KCND2: variants seen among roughly 807,000 people sequenced by gnomAD.
KCND2 encodes the protein potassium voltage-gated channel subfamily D member 2.
KCND2 carries 16 observed loss-of-function variants against 54.4 expected under a neutral mutation model. The ratio of observed to expected loss-of-function variants is 0.29; its 90% CI spans 0.20 to 0.45. The LOEUF (loss-of-function observed/expected upper bound fraction) is 0.45. KCND2 is among the 20% of genes least tolerant of loss of function. The probability of loss-of-function intolerance (pLI) is 1.00; values close to 1 mark genes in which losing one functional copy is unlikely to be tolerated. For synonymous variants in KCND2, 317 were observed against 310.7 expected (o/e 1.02, Z -0.21); for missense variants, 486 against 824.2 (o/e 0.59, Z 5.02).
chr7:120,321,554 AT>A (rs538683549), intron 1 of KCND2, among the ~76,000 whole-genome samples: 377 of 151,936 alleles, frequency 2.5e-3, no homozygotes, highest in Non-Finnish European at 3.9e-3. Context: ...TTTGAATATT[AT>A]TTTTTTTCTT....
At chr7:120,417,543 A>G (rs920788423) in intron 1 of KCND2, among the ~76,000 whole-genome samples, 1 of 152,208 alleles carries the variant, frequency 6.6e-6, no homozygotes, top group African/African-American at 2.4e-5. Flanking sequence ...AACAGCCTCC[A>G]GTATTGTGGC....
chr7:120,336,627 C>G (rs1261956963), intron 1 of KCND2, among the ~76,000 whole-genome samples: 5 of 152,080 alleles, frequency 3.3e-5, no homozygotes, highest in Non-Finnish European at 7.4e-5. Flanking sequence ...AAGTCCTTCT[C>G]CATGTAGAGA....
chr7:120,605,265 C>G (rs1305255315), intron 1 of KCND2, among the ~76,000 whole-genome samples: 1 of 152,184 alleles, frequency 6.6e-6, no homozygotes, highest in African/African-American at 2.4e-5. Flanking sequence ...CCACTTTACT[C>G]TATGTCTCTA....
intron 1 of KCND2, among the ~76,000 whole-genome samples, chr7:120,659,449 C>T (rs1288120844): frequency 6.6e-6 from 1 of 152,152 alleles, no homozygotes; most frequent in African/African-American, 2.4e-5. Context: ...TCAAAGCCAC[C>T]ATCTGGAAGG....
At chr7:120,406,476 G>T (rs1310865929) in intron 1 of KCND2, among the ~76,000 whole-genome samples, 2 of 152,114 alleles carry the variant, frequency 1.3e-5, no homozygotes, top group East Asian at 3.9e-4. Flanking sequence ...GACATGGGGA[G>T]AATTCAGGTC....
chr7:120,334,606 G>A (rs756284553), intron 1 of KCND2, among the ~76,000 whole-genome samples: 7 of 152,228 alleles, frequency 4.6e-5, no homozygotes, highest in South Asian at 2.1e-4. Context: ...CACACTTTCC[G>A]TATATGGGTG....
chr7:120,508,022 C>T (rs573801787), intron 1 of KCND2, among the ~76,000 whole-genome samples: 12 of 151,448 alleles, frequency 7.9e-5, no homozygotes, highest in Non-Finnish European at 1.5e-4. Flanking sequence ...TCTATATTGC[C>T]ATTTTGATCA....
Position 120,625,055 on chromosome 7 carries a change from T to C in KCND2, c.1116-107848T>C, listed in dbSNP as rs1338958708. 3.3e-5 allele frequency among the ~76,000 whole-genome samples: 5 copies of C among 152,206 alleles called. No homozygotes were observed. In the East Asian group the frequency reaches 9.6e-4, roughly 29 times the overall value. On this transcript the variant is annotated intron_variant, in intron 1 of 5. Coordinates refer to ENST00000331113, the MANE Select transcript of KCND2 (RefSeq NM_012281.3). Reference sequence around the variant, plus strand: ...GCAATTTTGCCTATTATGTGATTCATTGCCGAAGGGAAACTAGAATGAGAC... The same window carrying C: ...GCAATTTTGCCTATTATGTGATTCACTGCCGAAGGGAAACTAGAATGAGAC...
At chr7:120,735,529 C>T (rs1197630066) in intron 2 of KCND2, among the ~76,000 whole-genome samples, 1 of 152,024 alleles carries the variant, frequency 6.6e-6, no homozygotes, top group Non-Finnish European at 1.5e-5. Context: ...TGTATTTCTT[C>T]AGAGTTTGTC....
rs117811986 is a variant in KCND2, at chr7:120,689,318, C to T, written c.1116-43585C>T. On this transcript the variant is annotated intron_variant, in intron 1 of 5. Transcript: ENST00000331113. Reference sequence around the variant, plus strand: ...TTTTTGTGTCATCAGTTTTGAATCACGGTAAATTATGCTGCAATACAAATT... The same window carrying T: ...TTTTTGTGTCATCAGTTTTGAATCATGGTAAATTATGCTGCAATACAAATT... Among the ~76,000 whole-genome samples, 210 of 152,214 alleles carry T rather than the reference C, an allele frequency of 1.4e-3. 5 individuals are homozygous for T. In the East Asian group the frequency reaches 0.031, roughly 23 times the overall value.
rs1793025913 is a variant in KCND2, at chr7:120,747,858, A to G, written c.1893A>G (p.Ter631=). The change falls in exon 6 of 6, where the codon TAA becomes TAG. Residue 631 remains the stop codon, a stop_retained_variant. Transcript: ENST00000331113. ...ATATTGTCAGAGTTTCTGCTTTGTA[A>G]GACAATTGGAATAAGGTCTAAGAGA... is the stretch of plus-strand genomic sequence containing the variant. The part of the protein sequence containing the change: ...GGNIVRVSAL[*] 1 of 1,609,156 alleles carries G rather than the reference A, an allele frequency of 6.2e-7. No individual in the cohort carries two copies. The highest frequency in any genetic ancestry group is 8.5e-7 in the Non-Finnish European group (1 of 1,176,372).
intron 1 of KCND2, among the ~76,000 whole-genome samples, chr7:120,342,966 G>A (rs1286715190): frequency 1.3e-5 from 2 of 152,130 alleles, no homozygotes; most frequent in African/African-American, 4.8e-5. Context: ...CTATTGGGGT[G>A]GAGAAAGTAG....
At chr7:120,550,031 G>A (rs1186210036) in intron 1 of KCND2, among the ~76,000 whole-genome samples, 2 of 151,990 alleles carry the variant, frequency 1.3e-5, no homozygotes, top group East Asian at 3.9e-4. Flanking sequence ...TCCTCCAAGT[G>A]CAGAGCCAAT....
chr7:120,286,709 G>T (rs1799350598), intron 1 of KCND2, among the ~76,000 whole-genome samples: 1 of 151,870 alleles, frequency 6.6e-6, no homozygotes, highest in Non-Finnish European at 1.5e-5. Context: ...ATATTTTTAG[G>T]TTAGAAATCC....
chr7:120,553,627 T>C (rs955740429), intron 1 of KCND2, among the ~76,000 whole-genome samples: 4 of 152,208 alleles, frequency 2.6e-5, no homozygotes, highest in African/African-American at 9.6e-5. Context: ...ATGAGGTTGA[T>C]AAATTATCAT....
chr7:120,399,042 C>G (rs1801201957), intron 1 of KCND2, among the ~76,000 whole-genome samples: 1 of 151,900 alleles, frequency 6.6e-6, no homozygotes, highest in Admixed American at 6.6e-5. Context: ...GCTTGTACTT[C>G]CTCTTAACAC....
chr7:120,426,475 A>T (rs1801707739), intron 1 of KCND2, among the ~76,000 whole-genome samples: 1 of 152,204 alleles, frequency 6.6e-6, no homozygotes, highest in Admixed American at 6.5e-5. Context: ...ACAAAGCTAA[A>T]TTAAAATGTT....
At chr7:120,526,992 T>C (rs1323994446) in intron 1 of KCND2, among the ~76,000 whole-genome samples, 1 of 152,144 alleles carries the variant, frequency 6.6e-6, no homozygotes, top group East Asian at 1.9e-4. Flanking sequence ...TCATTTTAAC[T>C]TTCATAACCA....
intron 1 of KCND2, among the ~76,000 whole-genome samples, chr7:120,420,564 C>G (rs1308856867): frequency 6.6e-6 from 1 of 152,102 alleles, no homozygotes; most frequent in Admixed American, 6.6e-5. Context: ...GTACTGGGTG[C>G]TTACTTGTCA....
Sources: allele counts gnomAD v4.1 joint callset (sites outside exome capture counted in the v4.1 genomes callset), GRCh38; gene constraint gnomAD v4.1.1; transcripts MANE v1.5; gene names NCBI Gene and HGNC (gene_info 2026-07-23, HGNC 2026-07-21).